FBH1: variants seen among roughly 807,000 people sequenced by gnomAD.
FBH1 encodes F-box DNA helicase 1, also known as DNA 3'-5' helicase 1.
FBH1 carries 43 observed loss-of-function variants against 115.5 expected under a neutral mutation model. The ratio of observed to expected loss-of-function variants is 0.37; its 90% CI spans 0.29 to 0.48. The LOEUF (loss-of-function observed/expected upper bound fraction) is 0.48, where lower values mean the gene tolerates loss of function less well. Ranked by LOEUF, FBH1 falls within the 20% of genes least tolerant of loss-of-function variation. The pLI is 0.99. For synonymous variants in FBH1, 524 were observed against 507.8 expected (o/e 1.03, Z -0.43); for missense variants, 1,001 against 1,337.3 (o/e 0.75, Z 3.92).
At position 5,914,329 on chromosome 10, in the gene FBH1, C is replaced by T; in HGVS notation, c.1396+60C>T. On this transcript the variant is annotated intron_variant, in intron 8 of 20. Transcript: ENST00000362091. This position sits in a 1 kb window ranked among gnomAD's most constrained non-coding sequence, Gnocchi z 5.2. The stretch of plus-strand genomic sequence containing the variant: ...GTTTTCTGCCTTTTCTCCCTACATC[C>T]CCTTCCCGCTACCTGCCAGGGCATC... 3.6e-6 allele frequency: 5 copies of T among 1,390,756 alleles called. No individual in the cohort carries two copies. Among genetic ancestry groups the T allele is most frequent in the Non-Finnish European group, 5.1e-6 (5 of 976,784 alleles). The allele number at this position is 1,390,756 out of a possible 1,614,324, so 86.2% of individuals were successfully genotyped here. A position where few individuals can be genotyped will look rare whatever the true frequency, so the allele number is the denominator to read the frequency against.
chr10:5,890,051 G>C (rs1842603175), upstream of FBH1: 2 of 292,024 alleles, frequency 6.8e-6, no homozygotes, highest in African/African-American at 2.2e-5. Context: ...GGCGTGGCCC[G>C]GTAGCTGTGG....
At chr10:5,919,419 G>A (rs1738916133) in intron 13 of FBH1, among the ~76,000 whole-genome samples, 2 of 152,202 alleles carry the variant, frequency 1.3e-5, no homozygotes, top group Non-Finnish European at 2.9e-5. Context: ...CCAGGAGGCA[G>A]AGGTTGCAGT....
At position 5,894,953 on chromosome 10, in the gene FBH1, T is replaced by C. The variant is rs1842927861; in HGVS notation, c.1+4607T>C. 2.1e-6 allele frequency: 3 copies of C among 1,443,832 alleles called. No homozygotes were observed. In the Admixed American group the frequency reaches 6.5e-5, roughly 31 times the overall value. The allele number at this position is 1,443,832 out of a possible 1,614,324, so 89.4% of individuals were successfully genotyped here. On this transcript the variant is annotated intron_variant, in intron 1 of 20. Coordinates refer to ENST00000362091, the MANE Select transcript of FBH1 (RefSeq NM_178150.3). ...GTATCTCGGGTGTACAGGGCGGTTT[T>C]ATTCCTGCGAAGTGCTTCCTGGCTT...
rs533548127 is a variant in FBH1 at position 5,908,986 on chromosome 10, A to G, written c.815A>G (p.Lys272Arg). Residue 272 changes from lysine (K) to arginine (R), a missense_variant, in exon 4 of 21, where the codon AAA becomes AGA. Around this residue, in one of 4 missense-constraint regions of FBH1, gnomAD observed 420 missense variants for 430.4 expected, o/e 0.98. Coordinates refer to ENST00000362091, the MANE Select transcript of FBH1 (RefSeq NM_178150.3). ...ATGAATGAAGAGCAAGCTGTCAGCA[A>G]AGTGGACGGCATCCTGTCTAACTGT... The part of the protein sequence containing the change: ...YLMNEEQAVS[K>R]VDGILSNCGI... 1 of 1,614,204 alleles carries G rather than the reference A, an allele frequency of 6.2e-7. No individual in the cohort carries two copies. The highest frequency in any genetic ancestry group is 8.5e-7 in the Non-Finnish European group (1 of 1,180,042).
chr10:5,909,478 AG>A lies in FBH1; in HGVS notation c.1020+185del. 1 of 662,994 alleles carries A rather than the reference AG, an allele frequency of 1.5e-6. No individual in the cohort carries two copies. The highest frequency in any genetic ancestry group is 2.3e-5 in the South Asian group (1 of 44,278). The allele number at this position is 662,994 out of a possible 1,614,324, so 41.1% of individuals were successfully genotyped here. ...GAGAAATAAAAGGCCATATAATTGT[AG>A]AGTCTTAGATGTAGATGAAATTTTA... On this transcript the variant is annotated intron_variant, in intron 5 of 20. Transcript: ENST00000362091. This position sits in a 1 kb window ranked among gnomAD's most constrained non-coding sequence, Gnocchi z 4.4.
At chr10:5,905,905 C>T in intron 2 of FBH1, 132 bp from the exon 3 acceptor site, 1 of 625,294 alleles carries the variant, frequency 1.6e-6, no homozygotes, top group Non-Finnish European at 2.9e-6. Context: ...AATCAGTTGG[C>T]CCATAAATGT....
At chr10:5,919,644 C>T (rs1832196954) in intron 13 of FBH1, among the ~76,000 whole-genome samples, 1 of 152,138 alleles carries the variant, frequency 6.6e-6, no homozygotes, top group African/African-American at 2.4e-5. Flanking sequence ...TCGAGAACCA[C>T]TGCTTTTAAG....
rs375512387 is a variant in FBH1 at position 5,936,259 on chromosome 10, C to T, written c.2830-197C>T. ...TATATATATTTAAAAAGCAATTGGA[C>T]TGTCAGTTGGACTGTCGATAGCTTT... is the stretch of plus-strand genomic sequence containing the variant. On this transcript the variant is annotated intron_variant, in intron 19 of 20. Coordinates refer to ENST00000362091, the MANE Select transcript of FBH1 (RefSeq NM_178150.3). The surrounding 1 kb of genome is among the most constrained non-coding windows in gnomAD (Gnocchi z 5.6). 2.3e-6 allele frequency: 1 copy of T among 439,734 alleles called. No homozygotes were observed. The highest frequency in any genetic ancestry group is 4.2e-6 in the Non-Finnish European group (1 of 240,524). 27.2% of individuals were successfully genotyped at this position (439,734 alleles called of 1,614,324 possible).
In FBH1 at chr10:5,917,996, C is replaced by G. The variant is rs959511686; in HGVS notation, c.1963+320C>G. The stretch of plus-strand genomic sequence containing the variant: ...CTTGTGTTGTCTACTTCTCAAGTGG[C>G]TAGGAGAGAACAGACAGTGTTATCC... On this transcript the variant is annotated intron_variant, in intron 12 of 20. Coordinates refer to ENST00000362091, the MANE Select transcript of FBH1 (RefSeq NM_178150.3). The surrounding 1 kb of genome is among the most constrained non-coding windows in gnomAD (Gnocchi z 5.6). Among the ~76,000 whole-genome samples, 2 of 152,188 alleles carry G rather than the reference C, an allele frequency of 1.3e-5. No homozygotes were observed. Among genetic ancestry groups the G allele is most frequent in the Non-Finnish European group, 2.9e-5 (2 of 68,038 alleles).
In FBH1 at chr10:5,890,290, G is replaced by T. The variant is rs1842620890; in HGVS notation, c.-56G>T. On this transcript the variant is annotated 5_prime_UTR_variant, in exon 1 of 21. Transcript: ENST00000362091. Reference sequence around the variant, plus strand: ...GCTGCCGGGGGACGCTGGGCTGAGCGGCCGGCGGCGCGGGCCCGGCGGCGG... The same window carrying T: ...GCTGCCGGGGGACGCTGGGCTGAGCTGCCGGCGGCGCGGGCCCGGCGGCGG... 5.4e-6 allele frequency: 2 copies of T among 373,752 alleles called. No homozygotes were observed. Among genetic ancestry groups the T allele is most frequent in the Non-Finnish European group, 1.0e-5 (2 of 200,578 alleles). 23.2% of individuals were successfully genotyped at this position (373,752 alleles called of 1,614,324 possible). A position where few individuals can be genotyped will look rare whatever the true frequency, so the allele number is the denominator to read the frequency against.
At position 5,911,554 on chromosome 10, in the gene FBH1, G is replaced by A. The variant is rs1341524301; in HGVS notation, c.1211+426G>A. On this transcript the variant is annotated intron_variant, in intron 6 of 20. Transcript: ENST00000362091. The surrounding 1 kb of genome is among the most constrained non-coding windows in gnomAD (Gnocchi z 5.4). ...GAGAGGCTATGGCGTGTCGGCTGCT[G>A]ATTCACAGGGGCCCCGATGGTTTCC... 6.6e-6 allele frequency among the ~76,000 whole-genome samples: 1 copy of A among 152,196 alleles called. No individual in the cohort carries two copies. Among genetic ancestry groups the A allele is most frequent in the Non-Finnish European group, 1.5e-5 (1 of 68,032 alleles).
chr10:5,901,889 T>C (rs1843368542), intron 1 of FBH1, among the ~76,000 whole-genome samples: 1 of 152,222 alleles, frequency 6.6e-6, no homozygotes, highest in African/African-American at 2.4e-5. Context: ...AAGAAGTGTA[T>C]CTTTACATTT....
chr10:5,904,642 C>T (rs1370139069), intron 2 of FBH1, among the ~76,000 whole-genome samples: 1 of 152,116 alleles, frequency 6.6e-6, no homozygotes, highest in Non-Finnish European at 1.5e-5. Flanking sequence ...GGGAGAATTG[C>T]TTGAGCCCAG....
chr10:5,912,908 C>A (rs149939426), intron 6 of FBH1, among the ~76,000 whole-genome samples: 32 of 152,202 alleles, frequency 2.1e-4, no homozygotes, highest in African/African-American at 7.5e-4. Flanking sequence ...CCTGTTTTTT[C>A]TGGGAGATAA....
rs116384265 is a variant in FBH1 at position 5,898,823 on chromosome 10, C to G, written c.2-4197C>G. ...GACTATATGTCTGGCCCCACGCTATCTACATACAGAGTTACAGCAGTGAAC... is the reference window on the plus strand; with the variant it reads ...GACTATATGTCTGGCCCCACGCTATGTACATACAGAGTTACAGCAGTGAAC... On this transcript the variant is annotated intron_variant, in intron 1 of 20. Transcript: ENST00000362091. Among the ~76,000 whole-genome samples, 901 of 152,322 alleles carry G rather than the reference C, an allele frequency of 5.9e-3. 8 individuals carry two copies. Among genetic ancestry groups the G allele is most frequent in the African/African-American group, 0.02 (833 of 41,554 alleles).
rs1179201918 is a variant in FBH1, at chr10:5,924,824, C to A, written c.2596+316C>A. Reference sequence around the variant, plus strand: ...CAGGTAATCTGCCCACCTCGACCTCCCAAAGTGCTAGAATTACAGGCGTGA... The same window carrying A: ...CAGGTAATCTGCCCACCTCGACCTCACAAAGTGCTAGAATTACAGGCGTGA... On this transcript the variant is annotated intron_variant, in intron 17 of 20. Transcript: ENST00000362091. This position sits in a 1 kb window ranked among gnomAD's most constrained non-coding sequence, Gnocchi z 6.2. 1.1e-5 allele frequency: 5 copies of A among 465,884 alleles called. No individual in the cohort carries two copies. The highest frequency in any genetic ancestry group is 2.1e-5 in the Non-Finnish European group (5 of 238,074). The allele number at this position is 465,884 out of a possible 1,614,324, so 28.9% of individuals were successfully genotyped here.
chr10:5,904,169 T>G (rs1465204882), intron 2 of FBH1, among the ~76,000 whole-genome samples: 1 of 151,968 alleles, frequency 6.6e-6, no homozygotes, highest in Non-Finnish European at 1.5e-5. Context: ...TAGCTGGGAC[T>G]TACAGGCGCG....
Position 5,906,391 on chromosome 10 carries a change from C to G in FBH1, c.512C>G (p.Ser171Cys). 1 of 1,614,136 alleles carries G rather than the reference C, an allele frequency of 6.2e-7. No individual in the cohort carries two copies. The highest frequency in any genetic ancestry group is 1.1e-5 in the South Asian group (1 of 91,092). The change falls in exon 3 of 21, where the codon TCT becomes TGT. Residue 171 changes from serine to cysteine, a missense_variant. Transcript: ENST00000362091. This position sits in a 1 kb window ranked among gnomAD's most constrained non-coding sequence, Gnocchi z 7.3. ...AGGCAAGAAGCAGAGGACAGTACGT[C>G]TCGGCTCTCTGCGGAGTCTGGTGAA... The part of the protein sequence containing the change: ...EARQEAEDST[S>C]RLSAESGETD...
intron 18 of FBH1, among the ~76,000 whole-genome samples, chr10:5,926,388 A>G (rs1397161650): frequency 6.6e-6 from 1 of 152,240 alleles, no homozygotes; most frequent in African/African-American, 2.4e-5. Flanking sequence ...TGCTGGGATA[A>G]TAGGTGTTAG....
Sources: allele counts gnomAD v4.1 joint callset (sites outside exome capture counted in the v4.1 genomes callset), GRCh38; gene constraint gnomAD v4.1.1; regional missense constraint gnomAD v4.1.1; non-coding constraint Gnocchi (gnomAD v3.1); transcripts MANE v1.5; gene names NCBI Gene and HGNC (gene_info 2026-07-23, HGNC 2026-07-21).